ASS1: variants seen among roughly 807,000 people sequenced by gnomAD.
ASS1 encodes the protein argininosuccinate synthase.
Under a neutral mutation model 60.5 loss-of-function variants are expected in ASS1, and 58 were observed. The observed-to-expected ratio is 0.96, with a 90% confidence interval of 0.78 to 1.19. The LOEUF is 1.19. Among genes scored for constraint, ASS1 ranks in the 50% most tolerant of loss-of-function variants. ASS1 has a pLI of 0.00. For missense variants in ASS1, 454 were observed against 547.3 expected (o/e 0.83, Z 1.70); for synonymous variants, 200 against 206.9 (o/e 0.97, Z 0.29).
At chr9:130,481,888 T>C (rs1036568865) in intron 11 of ASS1, among the ~76,000 whole-genome samples, 2 of 152,194 alleles carry the variant, frequency 1.3e-5, no homozygotes, top group Admixed American at 6.5e-5. Context: ...TGTTACTAAT[T>C]AGCTGCTCCT....
intron 1 of ASS1, among the ~76,000 whole-genome samples, chr9:130,446,597 G>A (rs890593658): frequency 4.1e-4 from 63 of 152,214 alleles, no homozygotes; most frequent in African/African-American, 1.4e-3. Flanking sequence ...GGGAAGGGGA[G>A]GCCCCACTCT....
At chr9:130,468,700 T>A (rs750252885) in intron 6 of ASS1, among the ~76,000 whole-genome samples, 3 of 152,186 alleles carry the variant, frequency 2.0e-5, no homozygotes, top group Non-Finnish European at 4.4e-5. Flanking sequence ...CCCAAAGTAT[T>A]GGGATTGCAG....
rs550875328 is a variant in ASS1, at chr9:130,488,792, C to A, written c.839-541C>A. 2.0e-5 allele frequency among the ~76,000 whole-genome samples: 3 copies of A among 152,192 alleles called. No homozygotes were observed. The highest frequency in any genetic ancestry group is 7.2e-5 in the African/African-American group (3 of 41,458). On this transcript the variant is annotated intron_variant, in intron 11 of 14. Coordinates refer to ENST00000352480, the MANE Select transcript of ASS1 (RefSeq NM_054012.4). The surrounding 1 kb of genome is among the most constrained non-coding windows in gnomAD (Gnocchi z 5.2). ...CTTGAGCTCAGTTTCCCCATCTGCACGGTGCGGTCAGCCTAGGTGATTGCC... is the reference window on the plus strand; with the variant it reads ...CTTGAGCTCAGTTTCCCCATCTGCAAGGTGCGGTCAGCCTAGGTGATTGCC...
intron 7 of ASS1, 147 bp downstream of exon 7, chr9:130,471,051 A>G (rs1415497570): frequency 1.6e-5 from 14 of 900,240 alleles, no homozygotes; most frequent in Non-Finnish European, 2.5e-5. Context: ...CAGAGGTCGA[A>G]GCGCCCGGCT....
chr9:130,471,735 T>G (rs1191309030), intron 8 of ASS1, among the ~76,000 whole-genome samples: 1 of 152,068 alleles, frequency 6.6e-6, no homozygotes, highest in Non-Finnish European at 1.5e-5. Context: ...CCCTTCCTCT[T>G]CTAATTGCCT....
chr9:130,464,894 G>A (rs929029725), intron 5 of ASS1, among the ~76,000 whole-genome samples: 6 of 151,842 alleles, frequency 4.0e-5, no homozygotes, highest in African/African-American at 9.7e-5. Flanking sequence ...CAGGGGTGCC[G>A]AGTGCAGGGC....
intron 4 of ASS1, among the ~76,000 whole-genome samples, chr9:130,460,768 G>A (rs1368894526): frequency 2.6e-5 from 4 of 152,192 alleles, no homozygotes; most frequent in Non-Finnish European, 5.9e-5. Context: ...AGGTTGGATG[G>A]AGGTGGCCAG....
chr9:130,501,213 G>A lies in ASS1; in HGVS notation c.*192G>A, dbSNP rs1846748386. ...GTTGTCATCGAAGGGAAGGGTGGGG[G>A]GCAGCTGCGGTGGGGAGCTATAAAA... On this transcript the variant is annotated 3_prime_UTR_variant, in exon 15 of 15. Coordinates refer to ENST00000352480, the MANE Select transcript of ASS1 (RefSeq NM_054012.4). 3.1e-6 allele frequency: 2 copies of A among 635,562 alleles called. No individual in the cohort carries two copies. Among genetic ancestry groups the A allele is most frequent in the Non-Finnish European group, 2.8e-6 (1 of 360,136 alleles). 39.4% of individuals were successfully genotyped at this position (635,562 alleles called of 1,614,324 possible). A position where few individuals can be genotyped will look rare whatever the true frequency, so the allele number is the denominator to read the frequency against.
chr9:130,452,402 C>A, intron 2 of ASS1, 69 bp downstream of exon 2: 1 of 1,382,826 alleles, frequency 7.2e-7, no homozygotes, highest in Non-Finnish European at 1.0e-6. Context: ...CCCCTGCCAG[C>A]CTCTGTCTGG....
chr9:130,479,865 C>T (rs758278462), intron 10 of ASS1, 65 bp downstream of exon 10: 1 of 1,505,882 alleles, frequency 6.6e-7, no homozygotes, highest in South Asian at 1.1e-5. Context: ...CGAGCCTGGA[C>T]CGTTGCAGCT....
intron 1 of ASS1, among the ~76,000 whole-genome samples, chr9:130,449,397 G>A (rs1288310408): frequency 6.6e-6 from 1 of 151,682 alleles, no homozygotes; most frequent in Non-Finnish European, 1.5e-5. Flanking sequence ...GGCATGGCGG[G>A]TCACTGAGGC....
Position 130,468,920 on chromosome 9 carries a change from A to G in ASS1, c.496-1914A>G, listed in dbSNP as rs367563097. 6.6e-5 allele frequency among the ~76,000 whole-genome samples: 10 copies of G among 152,262 alleles called. No homozygotes were observed. The South Asian group carries it at 1.2e-3, about 19-fold the overall frequency. ...TTACAATGAGAGTGTGAGGGGAGGC[A>G]CCTCGGGACCGAGAGAGGCTGGGAA... is the stretch of plus-strand genomic sequence containing the variant. On this transcript the variant is annotated intron_variant, in intron 6 of 14. Transcript: ENST00000352480.
rs1271070557 is a variant in ASS1, at chr9:130,489,174, A to G, written c.839-159A>G. Among the ~76,000 whole-genome samples, 1 of 151,556 alleles carries G rather than the reference A, an allele frequency of 6.6e-6. No homozygotes were observed. Among genetic ancestry groups the G allele is most frequent in the Non-Finnish European group, 1.5e-5 (1 of 67,934 alleles). On this transcript the variant is annotated intron_variant, in intron 11 of 14. Coordinates refer to ENST00000352480, the MANE Select transcript of ASS1 (RefSeq NM_054012.4). This position sits in a 1 kb window ranked among gnomAD's most constrained non-coding sequence, Gnocchi z 4.1. Reference sequence around the variant, plus strand: ...CCAGCATGAACATAATGACAGATGCATTTTGCAGCAAGCTGGGAGTGAATG... The same window carrying G: ...CCAGCATGAACATAATGACAGATGCGTTTTGCAGCAAGCTGGGAGTGAATG...
chr9:130,469,390 T>G (rs1339046941), intron 6 of ASS1, among the ~76,000 whole-genome samples: 1 of 152,090 alleles, frequency 6.6e-6, no homozygotes, highest in African/African-American at 2.4e-5. Context: ...TAGGGGCCCT[T>G]AGTGATTTTT....
intron 11 of ASS1, among the ~76,000 whole-genome samples, chr9:130,482,199 G>C (rs1393373648): frequency 6.6e-6 from 1 of 152,044 alleles, no homozygotes; most frequent in Non-Finnish European, 1.5e-5. Context: ...GACAGATCTG[G>C]GTTCAAACTC....
chr9:130,467,531 G>T lies in ASS1; in HGVS notation c.495+732G>T, dbSNP rs534013758. Among the ~76,000 whole-genome samples the T allele has an allele frequency of 7.2e-5, 11 of 152,296 alleles. No individual in the cohort carries two copies. The South Asian group carries it at 2.1e-3, about 29-fold the overall frequency. Reference sequence around the variant, plus strand: ...GCTGTGAGCTCTCGCTGCAGCCAAGGTGCCGCGTGGTAGGGGAGGCGGCAG... The same window carrying T: ...GCTGTGAGCTCTCGCTGCAGCCAAGTTGCCGCGTGGTAGGGGAGGCGGCAG... On this transcript the variant is annotated intron_variant, in intron 6 of 14. Coordinates refer to ENST00000352480, the MANE Select transcript of ASS1 (RefSeq NM_054012.4).
At position 130,451,716 on chromosome 9, in the gene ASS1, C is replaced by T. The variant is rs565667312; in HGVS notation, c.-5-508C>T. On this transcript the variant is annotated intron_variant, in intron 1 of 14. Transcript: ENST00000352480. ...GCTGCCTCCCCAATAGGAATGACAACTCCTACTTCATGAGGTTGTAGTGGG... is the reference window on the plus strand; with the variant it reads ...GCTGCCTCCCCAATAGGAATGACAATTCCTACTTCATGAGGTTGTAGTGGG... 1.5e-5 allele frequency: 6 copies of T among 401,276 alleles called. No individual in the cohort carries two copies. In the East Asian group the frequency reaches 2.9e-4, roughly 19 times the overall value. 24.9% of individuals were successfully genotyped at this position (401,276 alleles called of 1,614,324 possible). A position where few individuals can be genotyped will look rare whatever the true frequency, so the allele number is the denominator to read the frequency against.
chr9:130,489,429 G>C lies in ASS1; in HGVS notation c.935G>C (p.Gly312Ala). ...MDREVRKIKQ[G>A]LGLKFAELVY... is the part of the protein sequence containing the mutation. ...CGGGAAGTGCGCAAAATCAAACAAG[G>C]CCTGGGCTTGAAATTTGCTGAGCTG... The change falls in exon 12 of 15, where the codon GGC (glycine) becomes GCC (alanine). Residue 312 changes from glycine to alanine, a missense_variant. Transcript: ENST00000352480. This position sits in a 1 kb window ranked among gnomAD's most constrained non-coding sequence, Gnocchi z 4.1. 3 of 1,613,934 alleles carry C rather than the reference G, an allele frequency of 1.9e-6. No homozygotes were observed. Among genetic ancestry groups the C allele is most frequent in the Non-Finnish European group, 2.5e-6 (3 of 1,180,028 alleles).
Position 130,489,058 on chromosome 9 carries a change from GA to G in ASS1, c.839-272del, listed in dbSNP as rs1323563932. On this transcript the variant is annotated intron_variant, in intron 11 of 14. Transcript: ENST00000352480. This position sits in a 1 kb window ranked among gnomAD's most constrained non-coding sequence, Gnocchi z 4.1. ...ATGGGGAGGGAGGGGTTGCTGCTCC[GA>G]AACCCTGTCATTTTCTAGCGTCTGA... Among the ~76,000 whole-genome samples the G allele has an allele frequency of 6.6e-6, 1 of 152,056 alleles. No individual in the cohort carries two copies. Among genetic ancestry groups the G allele is most frequent in the Non-Finnish European group, 1.5e-5 (1 of 68,002 alleles).
Sources: gnomAD v4.1 joint callset for allele counts (sites outside exome capture counted in the v4.1 genomes callset) on GRCh38, gnomAD v4.1.1 for gene constraint, Gnocchi (gnomAD v3.1) non-coding constraint, MANE v1.5 for transcripts, NCBI Gene and HGNC (gene_info 2026-07-23, HGNC 2026-07-21) for gene names.